Variants in WDR3 observed in about 807,000 individuals in gnomAD.
WDR3 encodes the protein WD repeat domain 3.
WDR3 carries 81 observed loss-of-function variants against 123.7 expected under a neutral mutation model. That is an observed-to-expected ratio of 0.65 (90% CI 0.55 to 0.79). The LOEUF (loss-of-function observed/expected upper bound fraction) is 0.79, where lower values mean the gene tolerates loss of function less well. Ranked by LOEUF, WDR3 falls within the 30% of genes least tolerant of loss-of-function variation. The pLI is 0.00. For synonymous variants in WDR3, 390 were observed against 388.8 expected (o/e 1.00, Z -0.04); for missense variants, 1,027 against 1,123.2 (o/e 0.91, Z 1.22).
intron 24 of WDR3, among the ~76,000 whole-genome samples, chr1:117,956,700 G>T (rs138800555): frequency 0.013 from 1,952 of 152,224 alleles, 36 homozygotes; most frequent in South Asian, 0.092. Flanking sequence ...TAGCATTGGT[G>T]TCAGGATCAA....
Position 117,933,601 on chromosome 1 carries a change from C to A in WDR3, c.171+111C>A. 4 of 1,421,810 alleles carry A rather than the reference C, an allele frequency of 2.8e-6. No individual in the cohort carries two copies. In the South Asian group the frequency reaches 4.8e-5, roughly 17 times the overall value. The allele number at this position is 1,421,810 out of a possible 1,614,324, so 88.1% of individuals were successfully genotyped here. A position where few individuals can be genotyped will look rare whatever the true frequency, so the allele number is the denominator to read the frequency against. On this transcript the variant is annotated intron_variant, in intron 2 of 26. Transcript: ENST00000349139. Reference sequence around the variant, plus strand: ...TATCATGAGTTTTTTTGTGTCTGTGCCCTTAGAAGAAAAATCTTTTTCCTT... The same window carrying A: ...TATCATGAGTTTTTTTGTGTCTGTGACCTTAGAAGAAAAATCTTTTTCCTT...
Position 117,964,899 on chromosome 1 carries a change from T to A in WDR3, c.*5452T>A, listed in dbSNP as rs1285711797. On this transcript the variant is annotated 3_prime_UTR_variant, in exon 27 of 27. Transcript: ENST00000349139. The stretch of plus-strand genomic sequence containing the variant: ...CCAAGACTAACCCTTCAGCTCTGTT[T>A]TTTATTATTCTTTTGCCCTGTTTTG... The A allele has an allele frequency of 6.6e-6, 1 of 152,208 alleles. No homozygotes were observed. Among genetic ancestry groups the A allele is most frequent in the Non-Finnish European group, 1.5e-5 (1 of 68,030 alleles). The allele number at this position is 152,208 out of a possible 1,614,324, so 9.4% of individuals were successfully genotyped here. A position where few individuals can be genotyped will look rare whatever the true frequency, so the allele number is the denominator to read the frequency against.
intron 24 of WDR3, 89 bp from the exon 25 acceptor site, chr1:117,956,979 A>G (rs920747449): frequency 8.3e-7 from 1 of 1,207,146 alleles, no homozygotes; most frequent in Non-Finnish European, 1.1e-6. Flanking sequence ...AAATCAGTAG[A>G]AAAAATAATA....
At position 117,957,178 on chromosome 1, in the gene WDR3, G is replaced by T. The variant is rs138961341; in HGVS notation, c.2564G>T (p.Cys855Phe). 20 of 1,611,354 alleles carry T rather than the reference G, an allele frequency of 1.2e-5. No homozygotes were observed. The African/African-American group carries it at 2.7e-4, about 22-fold the overall frequency. The change falls in exon 25 of 27, where the codon TGC (cysteine) becomes TTC (phenylalanine). Residue 855 changes from cysteine to phenylalanine, a missense_variant. Coordinates refer to ENST00000349139, the MANE Select transcript of WDR3 (RefSeq NM_006784.3). ...TCTGATGTTGAACTTATATGCCGGT[G>T]CCTCTTCTTCCTCCTTAGGTAACAT... is the stretch of plus-strand genomic sequence containing the variant. ...LGSDVELICR[C>F]LFFLLRIHFG...
In WDR3 at chr1:117,965,010, G is replaced by A. The variant is rs1653638733; in HGVS notation, c.*5563G>A. The A allele has an allele frequency of 6.6e-6, 1 of 152,106 alleles. No individual in the cohort carries two copies. The allele number at this position is 152,106 out of a possible 1,614,324, so 9.4% of individuals were successfully genotyped here. Reference sequence around the variant, plus strand: ...CTCTCTTCAGCCTACAAACATGTAGGTCTACATTAAACTGAAAATCCTTCC... The same window carrying A: ...CTCTCTTCAGCCTACAAACATGTAGATCTACATTAAACTGAAAATCCTTCC... On this transcript the variant is annotated 3_prime_UTR_variant, in exon 27 of 27. Transcript: ENST00000349139.
intron 10 of WDR3, 140 bp from the exon 11 acceptor site, chr1:117,943,256 G>A: frequency 1.3e-6 from 1 of 741,714 alleles, no homozygotes; most frequent in South Asian, 1.9e-5. Context: ...CCCAGCCTCA[G>A]GGCACTCTTA....
chr1:117,959,545 A>C lies in WDR3; in HGVS notation c.*98A>C. 1 of 1,286,792 alleles carries C rather than the reference A, an allele frequency of 7.8e-7. No individual in the cohort carries two copies. The highest frequency in any genetic ancestry group is 1.0e-6 in the Non-Finnish European group (1 of 966,618). 79.7% of individuals were successfully genotyped at this position (1,286,792 alleles called of 1,614,324 possible). ...TGGCGTCATCTTAAAAATACCAAAT[A>C]ACAGAAGATCGCATTGCAGATGATA... On this transcript the variant is annotated 3_prime_UTR_variant, in exon 27 of 27. Transcript: ENST00000349139.
chr1:117,959,384 C>T lies in WDR3; in HGVS notation c.2769C>T (p.Ser923=). ...SEVMFFADAT[S]HLEEKKRKRK... ...TTATGTTTTTTGCTGATGCTACTAG[C>T]CACTTGGAAGAGAAGAAGAGGAAGA... The change falls in exon 27 of 27, where the codon AGC becomes AGT. Residue 923 remains serine, a synonymous_variant. Coordinates refer to ENST00000349139, the MANE Select transcript of WDR3 (RefSeq NM_006784.3). 1 of 1,613,504 alleles carries T rather than the reference C, an allele frequency of 6.2e-7. No homozygotes were observed. The highest frequency in any genetic ancestry group is 8.5e-7 in the Non-Finnish European group (1 of 1,179,816).
rs896668161 is a variant in WDR3 at position 117,961,504 on chromosome 1, T to A, written c.*2057T>A. 1 of 152,210 alleles carries A rather than the reference T, an allele frequency of 6.6e-6. No individual in the cohort carries two copies. Among genetic ancestry groups the A allele is most frequent in the African/African-American group, 2.4e-5 (1 of 41,468 alleles). 9.4% of individuals were successfully genotyped at this position (152,210 alleles called of 1,614,324 possible). Reference sequence around the variant, plus strand: ...TACAGGCCTGTTTAGATGTTCTGTATCTTCTTGAGACAGTTTTGCTTTTTA... The same window carrying A: ...TACAGGCCTGTTTAGATGTTCTGTAACTTCTTGAGACAGTTTTGCTTTTTA... On this transcript the variant is annotated 3_prime_UTR_variant, in exon 27 of 27. Transcript: ENST00000349139.
chr1:117,949,777 T>C lies in WDR3; in HGVS notation c.1551T>C (p.Asp517=). 2.5e-6 allele frequency: 4 copies of C among 1,613,974 alleles called. No homozygotes were observed. The highest frequency in any genetic ancestry group is 3.4e-6 in the Non-Finnish European group (4 of 1,179,876). The stretch of plus-strand genomic sequence containing the variant: ...GTGGCTTTGTGACAGGTGGTGCAGA[T>C]AAATCTGTCAAATTCTGGGATTTTG... ...DQRGFVTGGA[D]KSVKFWDFEL... The change falls in exon 14 of 27, where the codon GAT becomes GAC. Residue 517 remains aspartate, a synonymous_variant. Transcript: ENST00000349139.
chr1:117,948,416 G>T lies in WDR3; in HGVS notation c.1434G>T (p.Leu478=). The change falls in exon 13 of 27, where the codon CTG becomes CTT. Residue 478 remains leucine, a synonymous_variant. Transcript: ENST00000349139. ...TTGTGTCTTCCCAGACAGGGAAGCT[G>T]CAGCTTTATGACTTGGCTTCAGGGA... is the stretch of plus-strand genomic sequence containing the variant. ...QVVIGTKTGK[L]QLYDLASGNL... 1 of 1,613,916 alleles carries T rather than the reference G, an allele frequency of 6.2e-7. No individual in the cohort carries two copies. Among genetic ancestry groups the T allele is most frequent in the Non-Finnish European group, 8.5e-7 (1 of 1,179,876 alleles).
chr1:117,953,648 G>A (rs1466259855), intron 21 of WDR3, 107 bp downstream of exon 21: 2 of 1,098,788 alleles, frequency 1.8e-6, no homozygotes, highest in Middle Eastern at 3.0e-4. Context: ...GCAAAAAGTT[G>A]ATGAGATTTA....
chr1:117,936,201 G>C (rs1204073264), intron 3 of WDR3, among the ~76,000 whole-genome samples: 1 of 152,012 alleles, frequency 6.6e-6, no homozygotes, highest in Non-Finnish European at 1.5e-5. Context: ...CCAACCTGGA[G>C]ATCATTTTGA....
rs1215448850 is a variant in WDR3 at position 117,963,386 on chromosome 1, C to CA, written c.*3940dup. The stretch of plus-strand genomic sequence containing the variant: ...ATTTTCTTTTTTTTTTTTTTTGAGA[C>CA]AGAGTCTCGCTCTGTCTCCCAGGCT... On this transcript the variant is annotated 3_prime_UTR_variant, in exon 27 of 27. Transcript: ENST00000349139. 1 of 143,358 alleles carries CA rather than the reference C, an allele frequency of 7.0e-6. No homozygotes were observed. Among genetic ancestry groups the CA allele is most frequent in the African/African-American group, 2.6e-5 (1 of 38,334 alleles). 8.9% of individuals were successfully genotyped at this position (143,358 alleles called of 1,614,324 possible).
At chr1:117,958,267 T>G (rs559742166) in intron 25 of WDR3, among the ~76,000 whole-genome samples, 6 of 152,264 alleles carry the variant, frequency 3.9e-5, no homozygotes, top group Admixed American at 1.3e-4. Flanking sequence ...AGAAGAAGAA[T>G]AATATGTTCT....
intron 24 of WDR3, 38 bp from the exon 25 acceptor site, chr1:117,957,030 C>A: frequency 1.3e-6 from 2 of 1,520,008 alleles, no homozygotes; most frequent in South Asian, 1.3e-5. Flanking sequence ...ACAACGTTAA[C>A]AAATGTGGCA....
intron 12 of WDR3, 56 bp downstream of exon 12, chr1:117,946,235 G>A: frequency 7.1e-7 from 1 of 1,417,452 alleles, no homozygotes; most frequent in South Asian, 1.3e-5. Context: ...AATTCATAAA[G>A]TTAAGAAATC....
chr1:117,940,921 C>T lies in WDR3; in HGVS notation c.770C>T (p.Thr257Met), dbSNP rs142439174. ...TLEAEDGAFE[T>M]DEAPEDRILS... is the part of the protein sequence containing the mutation. ...GAGGCAGAGGATGGTGCCTTTGAGA[C>T]GGATGAAGCCCCTGAGGATGTAATT... Residue 257 changes from threonine to methionine, a missense_variant, in exon 7 of 27, where the codon ACG becomes ATG. Transcript: ENST00000349139. The T allele has an allele frequency of 3.3e-4, 537 of 1,612,260 alleles. 3 individuals are homozygous for T. In the African/African-American group the frequency reaches 4.7e-3, roughly 14 times the overall value.
intron 16 of WDR3, among the ~76,000 whole-genome samples, chr1:117,951,407 CAAAA>C (rs768109905): frequency 1.2e-5 from 1 of 84,900 alleles, no homozygotes; most frequent in Admixed American, 1.3e-4. Flanking sequence ...GACTCCGTCT[CAAAA>C]AAAAAAAAAA....
Sources: allele counts gnomAD v4.1 joint callset (sites outside exome capture counted in the v4.1 genomes callset), GRCh38; gene constraint gnomAD v4.1.1; transcripts MANE v1.5; gene names NCBI Gene and HGNC (gene_info 2026-07-23, HGNC 2026-07-21).